The following PRKCE variants were observed in gnomAD, a reference collection of about 807,000 sequenced individuals.
PRKCE encodes the protein protein kinase C epsilon.
In PRKCE, 16 loss-of-function variants were observed where a neutral mutation model predicts 85.4. The observed-to-expected ratio is 0.19, with a 90% CI of 0.13 to 0.28. The LOEUF (loss-of-function observed/expected upper bound fraction) is 0.28, where lower values mean the gene tolerates loss of function less well. PRKCE is among the 10% of genes least tolerant of loss of function. The pLI, the probability that PRKCE is intolerant of heterozygous loss-of-function variation, is 1.00. For missense variants in PRKCE, 573 were observed against 975.2 expected (o/e 0.59, Z 5.49); for synonymous variants, 388 against 371.5 (o/e 1.04, Z -0.51).
intron 11 of PRKCE, among the ~76,000 whole-genome samples, chr2:46,115,933 G>A (rs1252438564): frequency 6.6e-6 from 1 of 152,078 alleles, no homozygotes; most frequent in East Asian, 1.9e-4. Context: ...CTTACTTTTA[G>A]ATGCCTGTGT....
At chr2:45,759,180 C>T (rs1312275329) in intron 1 of PRKCE, among the ~76,000 whole-genome samples, 1 of 152,178 alleles carries the variant, frequency 6.6e-6, no homozygotes, top group African/African-American at 2.4e-5. Flanking sequence ...CATACAGGGA[C>T]AGAATATGCC....
chr2:45,814,166 ATGACCGGGACCAAAGTG>A (rs1036756733), intron 1 of PRKCE, among the ~76,000 whole-genome samples: 1 of 152,196 alleles, frequency 6.6e-6, no homozygotes, highest in African/African-American at 2.4e-5. Flanking sequence ...GAGTCTTGCC[ATGACCGGGACCAAAGTG>A]TGACTTTGGT....
chr2:45,986,329 A>G (rs1703320971), intron 6 of PRKCE, among the ~76,000 whole-genome samples: 1 of 152,152 alleles, frequency 6.6e-6, no homozygotes, highest in Non-Finnish European at 1.5e-5. Flanking sequence ...GTTTTTTCAG[A>G]ATGTTTTAGT....
At chr2:45,813,172 G>T (rs989134904) in intron 1 of PRKCE, among the ~76,000 whole-genome samples, 1 of 152,136 alleles carries the variant, frequency 6.6e-6, no homozygotes, top group African/African-American at 2.4e-5. Context: ...CTAATCACCA[G>T]CCAGGAAGCC....
intron 2 of PRKCE, among the ~76,000 whole-genome samples, chr2:45,869,856 C>T (rs573100350): frequency 4.6e-5 from 7 of 151,948 alleles, no homozygotes; most frequent in Middle Eastern, 3.4e-3. Context: ...TACAGGTGCA[C>T]GCCACCACGC....
At chr2:45,854,364 A>T (rs939350810) in intron 2 of PRKCE, among the ~76,000 whole-genome samples, 5 of 152,186 alleles carry the variant, frequency 3.3e-5, no homozygotes, top group Admixed American at 2.6e-4. Context: ...ACAGGTTACC[A>T]TAGGGAGGCA....
chr2:45,997,403 G>T (rs1286406968), intron 6 of PRKCE, among the ~76,000 whole-genome samples: 2 of 151,988 alleles, frequency 1.3e-5, no homozygotes, highest in African/African-American at 4.8e-5. Flanking sequence ...AGTTTCCTAA[G>T]ATAGAGGCTT....
At chr2:45,945,247 A>G (rs573480540) in intron 2 of PRKCE, among the ~76,000 whole-genome samples, 1 of 152,338 alleles carries the variant, frequency 6.6e-6, no homozygotes, top group South Asian at 2.1e-4. Context: ...ACAGTTCTGC[A>G]GGCTGTACAA....
chr2:46,002,610 C>A (rs897446010), intron 7 of PRKCE, among the ~76,000 whole-genome samples: 27 of 152,182 alleles, frequency 1.8e-4, no homozygotes, highest in Non-Finnish European at 7.3e-5. Flanking sequence ...GCAAGGGTTG[C>A]AGAAAAAATT....
At chr2:45,711,804 T>C (rs536222536) in intron 1 of PRKCE, among the ~76,000 whole-genome samples, 40 of 152,278 alleles carry the variant, frequency 2.6e-4, no homozygotes, top group African/African-American at 9.6e-4. Context: ...TTTCTATTTT[T>C]AGTAGAGATG....
At chr2:46,119,227 C>T (rs1673074704) in intron 11 of PRKCE, among the ~76,000 whole-genome samples, 1 of 151,880 alleles carries the variant, frequency 6.6e-6, no homozygotes, top group African/African-American at 2.4e-5. Context: ...GAAATGCCTG[C>T]AATCACTGCT....
At chr2:46,053,776 G>C (rs1001985539) in intron 10 of PRKCE, among the ~76,000 whole-genome samples, 1 of 130,450 alleles carries the variant, frequency 7.7e-6, no homozygotes, top group Non-Finnish European at 1.7e-5. Context: ...GGGTGGACAC[G>C]TGGGTTGCTT....
chr2:46,042,103 G>A (rs1708247691), intron 10 of PRKCE, among the ~76,000 whole-genome samples: 1 of 152,166 alleles, frequency 6.6e-6, no homozygotes, highest in African/African-American at 2.4e-5. Context: ...TAACATTATT[G>A]AAAAGAGTCG....
intron 2 of PRKCE, among the ~76,000 whole-genome samples, chr2:45,928,612 C>G (rs981481947): frequency 3.3e-5 from 5 of 152,144 alleles, no homozygotes; most frequent in African/African-American, 1.2e-4. Context: ...CATTTTAGTC[C>G]TTCCACAACA....
chr2:46,121,711 A>T (rs921450924), intron 11 of PRKCE, among the ~76,000 whole-genome samples: 3 of 152,234 alleles, frequency 2.0e-5, no homozygotes, highest in African/African-American at 7.2e-5. Context: ...GTCAGTGAGC[A>T]CATTTGAACT....
In PRKCE at chr2:46,017,424, T is replaced by C. The variant is rs778400466; in HGVS notation, c.1437+6907T>C. Among the ~76,000 whole-genome samples, 100 of 152,232 alleles carry C rather than the reference T, an allele frequency of 6.6e-4. 1 individual carries two copies. The highest frequency in any genetic ancestry group is 1.9e-4 in the Non-Finnish European group (13 of 68,036). On this transcript the variant is annotated intron_variant, in intron 10 of 14. Coordinates refer to ENST00000306156, the MANE Select transcript of PRKCE (RefSeq NM_005400.3). ...AAAGGCCAAATACTATTCTATCATG[T>C]GTATAATATCACATTTCACTTATCA...
chr2:45,849,026 G>A (rs1023508919), intron 2 of PRKCE, among the ~76,000 whole-genome samples: 1 of 152,292 alleles, frequency 6.6e-6, no homozygotes, highest in Non-Finnish European at 1.5e-5. Context: ...GGGGATGGCT[G>A]GATAGACAGG....
In PRKCE at chr2:46,113,750, G is replaced by A. The variant is rs1335088626; in HGVS notation, c.1592+27388G>A. On this transcript the variant is annotated intron_variant, in intron 11 of 14. Coordinates refer to ENST00000306156, the MANE Select transcript of PRKCE (RefSeq NM_005400.3). ...AGCCCTGGGTAGGGGTAGCTTTTAG[G>A]CAAAAAGAGATTCCTGAGGGATGAA... 4.6e-5 allele frequency among the ~76,000 whole-genome samples: 7 copies of A among 152,154 alleles called. No individual in the cohort carries two copies. The East Asian group carries it at 1.4e-3, about 29-fold the overall frequency.
chr2:45,986,106 G>A (rs1298888645), intron 6 of PRKCE, among the ~76,000 whole-genome samples: 1 of 152,250 alleles, frequency 6.6e-6, no homozygotes, highest in Non-Finnish European at 1.5e-5. Flanking sequence ...AGCAAAGAAT[G>A]GCACCATGGA....
Sources: allele counts gnomAD v4.1 joint callset (sites outside exome capture counted in the v4.1 genomes callset), GRCh38; gene constraint gnomAD v4.1.1; transcripts MANE v1.5; gene names NCBI Gene and HGNC (gene_info 2026-07-23, HGNC 2026-07-21).